The following DHDDS variants were observed in gnomAD, a reference collection of about 807,000 sequenced individuals.
DHDDS encodes the protein dehydrodolichyl diphosphate synthase complex subunit DHDDS.
In DHDDS, 16 loss-of-function variants were observed where a neutral mutation model predicts 46.2. The observed-to-expected ratio is 0.35, with a 90% confidence interval of 0.23 to 0.53. The LOEUF is 0.53. Among genes scored for constraint, DHDDS ranks in the 20% least tolerant of loss-of-function variants. The pLI is 0.94. For missense variants in DHDDS, 340 were observed against 423.7 expected (o/e 0.80, Z 1.73); for synonymous variants, 151 against 163.1 (o/e 0.93, Z 0.56).
intron 5 of DHDDS, among the ~76,000 whole-genome samples, chr1:26,446,938 A>G (rs539472699): frequency 1.3e-5 from 2 of 152,338 alleles, no homozygotes; most frequent in African/African-American, 4.8e-5. Context: ...CTTGTTTTAC[A>G]TCAAATCTCC....
chr1:26,442,986 G>A, intron 4 of DHDDS, 113 bp downstream of exon 4: 1 of 1,551,628 alleles, frequency 6.4e-7, no homozygotes, highest in South Asian at 1.2e-5. Flanking sequence ...TCTTTTTAAT[G>A]TTAGTTAGAT....
chr1:26,460,262 A>G, intron 8 of DHDDS, 118 bp downstream of exon 8: 1 of 831,282 alleles, frequency 1.2e-6, no homozygotes, highest in Non-Finnish European at 2.1e-6. Flanking sequence ...TAATGATGAT[A>G]GTAGCTACCA....
rs556709060 is a variant in DHDDS, at chr1:26,453,363, T to G, written c.543-4428T>G. Among the ~76,000 whole-genome samples the G allele has an allele frequency of 1.3e-3, 204 of 152,338 alleles. 2 individuals are homozygous for G. Among genetic ancestry groups the G allele is most frequent in the Middle Eastern group, 3.4e-3 (1 of 294 alleles). ...TTCATTATTACAAATAATGCCACAA[T>G]TAAATCTTTGACTGAACTTGCCTGC... is the stretch of plus-strand genomic sequence containing the variant. On this transcript the variant is annotated intron_variant, in intron 6 of 8. Transcript: ENST00000236342.
intron 2 of DHDDS, among the ~76,000 whole-genome samples, chr1:26,435,430 C>CTTTTTTTT (rs35735570): frequency 1.6e-5 from 1 of 62,486 alleles, no homozygotes; most frequent in Non-Finnish European, 2.7e-5. Flanking sequence ...GAATTAGTGC[C>CTTTTTTTT]TTTTTTTTTT....
chr1:26,465,888 C>T (rs913208841), intron 8 of DHDDS, among the ~76,000 whole-genome samples: 2 of 152,178 alleles, frequency 1.3e-5, no homozygotes, highest in Admixed American at 6.5e-5. Context: ...TGCTGCTGAC[C>T]TGGGCTGGCT....
intron 6 of DHDDS, among the ~76,000 whole-genome samples, chr1:26,449,514 C>T (rs2075300216): frequency 6.6e-6 from 1 of 152,152 alleles, no homozygotes; most frequent in Admixed American, 6.5e-5. Flanking sequence ...AGTCCTCCCA[C>T]TTCAGCCTTC....
intron 6 of DHDDS, chr1:26,454,970 G>GT: frequency 6.3e-7 from 1 of 1,589,106 alleles, no homozygotes; most frequent in Non-Finnish European, 8.6e-7. Context: ...CCACTGCTTG[G>GT]CCTGGGCACA....
At chr1:26,460,849 C>T (rs149575234) in intron 8 of DHDDS, among the ~76,000 whole-genome samples, 1 of 152,092 alleles carries the variant, frequency 6.6e-6, no homozygotes, top group Non-Finnish European at 1.5e-5. Flanking sequence ...AAGTAACTGT[C>T]CCAAGGAACC....
At chr1:26,454,824 C>T (rs2124473563) in intron 6 of DHDDS, 1 of 1,581,540 alleles carries the variant, frequency 6.3e-7, no homozygotes, top group Non-Finnish European at 8.6e-7. Flanking sequence ...ATCTTAGGTG[C>T]TTTGTTCACT....
At chr1:26,452,929 T>G (rs2075335051) in intron 6 of DHDDS, among the ~76,000 whole-genome samples, 1 of 152,082 alleles carries the variant, frequency 6.6e-6, no homozygotes, top group Admixed American at 6.6e-5. Context: ...CAAGACCCTG[T>G]CTCTACAAAA....
At position 26,470,720 on chromosome 1, in the gene DHDDS, T is replaced by C. The variant is rs1450198413; in HGVS notation, c.*1589T>C. 6.6e-6 allele frequency: 1 copy of C among 152,636 alleles called. No individual in the cohort carries two copies. The highest frequency in any genetic ancestry group is 2.4e-5 in the African/African-American group (1 of 41,434). The allele number at this position is 152,636 out of a possible 1,614,324, so 9.5% of individuals were successfully genotyped here. ...CCCATCCACACCTGGCACTCCCCTC[T>C]ACCAATCCCTGGCACAGGGTTCCTG... On this transcript the variant is annotated 3_prime_UTR_variant, in exon 9 of 9. Transcript: ENST00000236342.
At position 26,446,431 on chromosome 1, in the gene DHDDS, A is replaced by C. The variant is rs1445287933; in HGVS notation, c.439A>C (p.Lys147Gln). The C allele has an allele frequency of 6.2e-7, 1 of 1,612,602 alleles. No homozygotes were observed. The highest frequency in any genetic ancestry group is 2.2e-5 in the East Asian group (1 of 44,862). The part of the protein sequence containing the change: ...QAVQATKNYN[K>Q]CFLNVCFAYT... ...TGTACAGGCCACGAAGAACTACAACAAGTAAGTTCTCAGATTTCCCTATAG... is the reference window on the plus strand; with the variant it reads ...TGTACAGGCCACGAAGAACTACAACCAGTAAGTTCTCAGATTTCCCTATAG... The change falls in exon 5 of 9, where the codon AAG becomes CAG. Residue 147 changes from lysine to glutamine, a missense_variant and splice_region_variant. Transcript: ENST00000236342.
At chr1:26,463,802 G>C (rs969278873) in intron 8 of DHDDS, among the ~76,000 whole-genome samples, 3 of 151,762 alleles carry the variant, frequency 2.0e-5, no homozygotes, top group Non-Finnish European at 4.4e-5. Flanking sequence ...CACCGCGACC[G>C]GCCTGAAACT....
intron 1 of DHDDS, chr1:26,432,583 A>C (rs1246266140): frequency 3.1e-6 from 1 of 319,042 alleles, no homozygotes; most frequent in Non-Finnish European, 6.0e-6. Flanking sequence ...AGAAACGGGG[A>C]ATGATCAAGA....
chr1:26,465,959 C>G (rs1187446930), intron 8 of DHDDS, among the ~76,000 whole-genome samples: 1 of 152,204 alleles, frequency 6.6e-6, no homozygotes, highest in Non-Finnish European at 1.5e-5. Context: ...GACCTGCAGC[C>G]TCTCTCCAGG....
At position 26,446,257 on chromosome 1, in the gene DHDDS, C is replaced by T. The variant is rs776372187; in HGVS notation, c.324-59C>T. ...TGGTGGTCAGTTATTACCTGAGCAC[C>T]TTGCTCTCTCCAGCTCAGCAGGGGC... On this transcript the variant is annotated intron_variant, in intron 4 of 8. Transcript: ENST00000236342. 3 of 1,535,294 alleles carry T rather than the reference C, an allele frequency of 2.0e-6. No individual in the cohort carries two copies. The Middle Eastern group carries it at 6.0e-4, about 306-fold the overall frequency.
chr1:26,434,635 C>G (rs1425217473), intron 2 of DHDDS, among the ~76,000 whole-genome samples: 1 of 152,022 alleles, frequency 6.6e-6, no homozygotes, highest in East Asian at 1.9e-4. Context: ...CTGCTCCAAG[C>G]CAAATAAGGG....
intron 8 of DHDDS, among the ~76,000 whole-genome samples, chr1:26,468,589 G>T (rs2075516733): frequency 6.6e-6 from 1 of 152,158 alleles, no homozygotes; most frequent in Non-Finnish European, 1.5e-5. Context: ...AAAGCCAGTT[G>T]ATGGGGGAAT....
intron 6 of DHDDS, among the ~76,000 whole-genome samples, chr1:26,452,205 T>G (rs867198569): frequency 2.0e-5 from 3 of 151,884 alleles, no homozygotes; most frequent in African/African-American, 7.3e-5. Context: ...CTACCACATC[T>G]GGCTAATTTT....
Sources: gnomAD v4.1 joint callset for allele counts (sites outside exome capture counted in the v4.1 genomes callset) on GRCh38, gnomAD v4.1.1 for gene constraint, MANE v1.5 for transcripts, NCBI Gene and HGNC (gene_info 2026-07-23, HGNC 2026-07-21) for gene names.